The following GALNT5 variants were observed in gnomAD, a reference collection of about 807,000 sequenced individuals.
GALNT5 encodes UDP-GalNAc:polypeptide N-acetylgalactosaminyltransferase 5.
Under a neutral mutation model 85.4 loss-of-function variants are expected in GALNT5, and 72 were observed. The ratio of observed to expected loss-of-function variants is 0.84; its 90% CI spans 0.70 to 1.03. The LOEUF (loss-of-function observed/expected upper bound fraction) is 1.03. GALNT5 is among the 50% of genes least tolerant of loss of function. GALNT5 has a pLI of 0.00. For missense variants in GALNT5, 1,137 were observed against 1,135.5 expected, an observed-to-expected ratio of 1.00 and a Z score of -0.02; for synonymous variants, 404 against 397.0, an observed-to-expected ratio of 1.02 and a Z score of -0.21.
At chr2:157,299,790 G>A (rs1683300653) in intron 6 of GALNT5, 125 bp downstream of exon 6, 2 of 511,722 alleles carry the variant, frequency 3.9e-6, no homozygotes, top group South Asian at 3.7e-5. Context: ...GAAATTTTAG[G>A]GTCTCTGGAT....
Position 157,259,502 on chromosome 2 carries a change from G to A in GALNT5, c.1420G>A (p.Val474Met), listed in dbSNP as rs1682290960. ...FNVYLSDLIP[V>M]DRAIEDTRPA... ...TGTCTACCTTAGCGATTTGATCCCA[G>A]TGGATAGAGCCATTGAAGACACCAG... The change falls in exon 1 of 10, where the codon GTG (valine) becomes ATG (methionine). Residue 474 changes from valine (V) to methionine (M), a missense_variant. Transcript: ENST00000259056. 1.4e-6 allele frequency: 2 copies of A among 1,420,588 alleles called. No homozygotes were observed. Among genetic ancestry groups the A allele is most frequent in the Non-Finnish European group, 1.9e-6 (2 of 1,080,642 alleles). 88.0% of individuals were successfully genotyped at this position (1,420,588 alleles called of 1,614,324 possible). A position where few individuals can be genotyped will look rare whatever the true frequency, so the allele number is the denominator to read the frequency against.
At chr2:157,282,610 T>C (rs1355463500) in intron 1 of GALNT5, among the ~76,000 whole-genome samples, 5 of 152,174 alleles carry the variant, frequency 3.3e-5, no homozygotes, top group Admixed American at 3.3e-4. Flanking sequence ...ATCTTATAGG[T>C]ACATGTTTAA....
chr2:157,299,739 C>A, intron 6 of GALNT5, 74 bp downstream of exon 6: 1 of 799,738 alleles, frequency 1.3e-6, no homozygotes, highest in South Asian at 1.7e-5. Flanking sequence ...ATTTTACTAC[C>A]ATAATCAGGT....
chr2:157,265,825 TAG>T (rs376159071), intron 1 of GALNT5, among the ~76,000 whole-genome samples: 127 of 152,358 alleles, frequency 8.3e-4, no homozygotes, highest in African/African-American at 2.8e-3. Flanking sequence ...AGGAGCTTTT[TAG>T]AGTCTCCTGG....
chr2:157,273,972 C>T (rs1256294257), intron 1 of GALNT5, among the ~76,000 whole-genome samples: 5 of 152,034 alleles, frequency 3.3e-5, no homozygotes, highest in Non-Finnish European at 5.9e-5. Context: ...TATCCCTCCT[C>T]CAGCCCCCCA....
rs7599920 is a variant in GALNT5, at chr2:157,275,539, A to C, written c.1455-8743A>C. ...GTATTTCTCCTTGAAGAGGTCCTCC[A>C]CATCCCTTGTAAGTTGGATTCCTAG... is the stretch of plus-strand genomic sequence containing the variant. On this transcript the variant is annotated intron_variant, in intron 1 of 9. Coordinates refer to ENST00000259056, the MANE Select transcript of GALNT5 (RefSeq NM_014568.3). Among the ~76,000 whole-genome samples, 356 of 152,328 alleles carry C rather than the reference A, an allele frequency of 2.3e-3. 1 individual carries two copies. The highest frequency in any genetic ancestry group is 8.1e-3 in the African/African-American group (338 of 41,582).
intron 2 of GALNT5, among the ~76,000 whole-genome samples, chr2:157,285,106 T>C (rs1310037295): frequency 6.6e-6 from 1 of 152,144 alleles, no homozygotes; most frequent in Admixed American, 6.5e-5. Flanking sequence ...TTCAGAAAAG[T>C]TTAGAAAATA....
intron 8 of GALNT5, among the ~76,000 whole-genome samples, chr2:157,306,237 A>T (rs1339238365): frequency 6.6e-6 from 1 of 152,244 alleles, no homozygotes; most frequent in Non-Finnish European, 1.5e-5. Context: ...AAAGATAAAA[A>T]TGTAAAAAAT....
At chr2:157,289,422 A>C (rs576983001) in intron 3 of GALNT5, among the ~76,000 whole-genome samples, 2 of 152,364 alleles carry the variant, frequency 1.3e-5, no homozygotes, top group African/African-American at 4.8e-5. Context: ...AACTCAGTAC[A>C]TGTGTAATCA....
chr2:157,291,433 C>T (rs573172956), intron 3 of GALNT5, among the ~76,000 whole-genome samples: 1 of 152,186 alleles, frequency 6.6e-6, no homozygotes, highest in South Asian at 2.1e-4. Flanking sequence ...AAATTTTTTC[C>T]TTAGCATTAC....
intron 1 of GALNT5, among the ~76,000 whole-genome samples, chr2:157,267,401 G>A (rs1376739461): frequency 1.3e-5 from 2 of 152,166 alleles, no homozygotes; most frequent in Non-Finnish European, 2.9e-5. Context: ...GGGGACTTAT[G>A]ACCCAAAGGA....
intron 3 of GALNT5, among the ~76,000 whole-genome samples, chr2:157,290,619 G>A (rs748168376): frequency 3.3e-5 from 5 of 152,020 alleles, no homozygotes; most frequent in African/African-American, 7.3e-5. Flanking sequence ...AGGATGCCTC[G>A]CCAAACAAGG....
intron 3 of GALNT5, 75 bp downstream of exon 3, chr2:157,286,209 G>A: frequency 1.6e-6 from 2 of 1,254,136 alleles, no homozygotes. Context: ...TACAGCAAAT[G>A]TGAAAGACCA....
At chr2:157,301,053 C>G (rs1243870969) in intron 7 of GALNT5, 54 bp downstream of exon 7, 1 of 1,287,884 alleles carries the variant, frequency 7.8e-7, no homozygotes, top group Non-Finnish European at 1.1e-6. Context: ...AACACAAAAT[C>G]TCTTTCAAAA....
rs138401411 is a variant in GALNT5, at chr2:157,265,587, C to T, written c.1454+6051C>T. ...TGAAAGAAGTATACTTTTTCATATA[C>T]GGAACACAAGGCCCAGTTTAACCAT... On this transcript the variant is annotated intron_variant, in intron 1 of 9. Coordinates refer to ENST00000259056, the MANE Select transcript of GALNT5 (RefSeq NM_014568.3). 5.5e-4 allele frequency among the ~76,000 whole-genome samples: 84 copies of T among 152,280 alleles called. 2 individuals are homozygous for T. Among genetic ancestry groups the T allele is most frequent in the African/African-American group, 1.9e-3 (81 of 41,564 alleles).
chr2:157,298,678 C>T (rs1683269383), intron 5 of GALNT5: 1 of 152,232 alleles, frequency 6.6e-6, no homozygotes, highest in African/African-American at 2.4e-5. Context: ...GTGTTTCGTT[C>T]CTTTGTTAGT....
chr2:157,311,159 G>T, intron 9 of GALNT5, 49 bp from the exon 10 acceptor site: 1 of 1,463,130 alleles, frequency 6.8e-7, no homozygotes, highest in Non-Finnish European at 9.4e-7. Context: ...TCATATTGCA[G>T]TTATCAAATT....
chr2:157,310,256 T>TA (rs1366213024), intron 9 of GALNT5, among the ~76,000 whole-genome samples: 2 of 152,214 alleles, frequency 1.3e-5, no homozygotes, highest in African/African-American at 4.8e-5. Context: ...CTTTTGATGT[T>TA]ACCAAATGTC....
At chr2:157,266,877 A>G (rs1180329394) in intron 1 of GALNT5, among the ~76,000 whole-genome samples, 1 of 152,200 alleles carries the variant, frequency 6.6e-6, no homozygotes, top group Non-Finnish European at 1.5e-5. Context: ...CATGATGGGA[A>G]TTAAGTTTGC....
Sources: allele counts gnomAD v4.1 joint callset (sites outside exome capture counted in the v4.1 genomes callset), GRCh38; gene constraint gnomAD v4.1.1; transcripts MANE v1.5; gene names NCBI Gene and HGNC (gene_info 2026-07-23, HGNC 2026-07-21).